MFGE8: variants seen among roughly 807,000 people sequenced by gnomAD.
The protein encoded by MFGE8 is milk fat globule EGF and factor V/VIII domain containing, also known as lactadherin.
Under a neutral mutation model 42.6 loss-of-function variants are expected in MFGE8, and 34 were observed. That is an observed-to-expected ratio of 0.80 (90% CI 0.61 to 1.06). The LOEUF (loss-of-function observed/expected upper bound fraction) is 1.06. Ranked by LOEUF, MFGE8 falls within the 50% of genes least tolerant of loss-of-function variation. The pLI, the probability that MFGE8 is intolerant of heterozygous loss-of-function variation, is 0.00. For missense variants in MFGE8, 510 were observed against 516.9 expected (o/e 0.99, Z 0.13); for synonymous variants, 230 against 214.8 (o/e 1.07, Z -0.62).
chr15:88,906,048 AC>A lies in MFGE8; in HGVS notation c.541-148del. 1 of 903,492 alleles carries A rather than the reference AC, an allele frequency of 1.1e-6. No homozygotes were observed. 56.0% of individuals were successfully genotyped at this position (903,492 alleles called of 1,614,324 possible). On this transcript the variant is annotated intron_variant, in intron 4 of 7. Coordinates refer to ENST00000268150, the MANE Select transcript of MFGE8 (RefSeq NM_005928.4). The surrounding 1 kb of genome is among the most constrained non-coding windows in gnomAD (Gnocchi z 4.2). ...CTTGGAAGAGCCAGCAGAGGCTCAC[AC>A]AGCAGCCTCTCCTTTGGCCACCCCA...
At chr15:88,907,830 C>T (rs1898771805) in intron 2 of MFGE8, among the ~76,000 whole-genome samples, 1 of 152,130 alleles carries the variant, frequency 6.6e-6, no homozygotes, top group Non-Finnish European at 1.5e-5. Flanking sequence ...TCAGTGTCCC[C>T]TCCCCCCACC....
chr15:88,899,581 C>T lies in MFGE8; in HGVS notation c.1027-49G>A. ...AGGACCCCGAGCCAGCCCCCCTCCC[C>T]TCAGAGCCCCAGGCCAGACTCCCAG... On this transcript the variant is annotated intron_variant, in intron 7 of 7. Transcript: ENST00000268150. This position sits in a 1 kb window ranked among gnomAD's most constrained non-coding sequence, Gnocchi z 6.8. 1 of 1,614,190 alleles carries T rather than the reference C, an allele frequency of 6.2e-7. No individual in the cohort carries two copies. The highest frequency in any genetic ancestry group is 8.5e-7 in the Non-Finnish European group (1 of 1,180,034).
chr15:88,899,533 C>A lies in MFGE8; in HGVS notation c.1027-1G>T, dbSNP rs746670903. 18 of 1,614,074 alleles carry A rather than the reference C, an allele frequency of 1.1e-5. No individual in the cohort carries two copies. The highest frequency in any genetic ancestry group is 3.3e-5 in the Admixed American group (2 of 60,000). On this transcript the variant is annotated splice_acceptor_variant, in intron 7 of 7. Coordinates refer to ENST00000268150, the MANE Select transcript of MFGE8 (RefSeq NM_005928.4). LOFTEE classifies it high-confidence loss of function. The surrounding 1 kb of genome is among the most constrained non-coding windows in gnomAD (Gnocchi z 6.8). ...GGTTGTCCCAGTTGCCAGGGAAGAT[C>A]TAGAGGCAGAGCGGGTGTCAGGAGG... is the stretch of plus-strand genomic sequence containing the variant.
In MFGE8 at chr15:88,907,166, C is replaced by G. The variant is rs375557998; in HGVS notation, c.387+29G>C. 24 of 1,601,306 alleles carry G rather than the reference C, an allele frequency of 1.5e-5. No individual in the cohort carries two copies. In the African/African-American group the frequency reaches 3.1e-4, roughly 21 times the overall value. On this transcript the variant is annotated intron_variant, in intron 3 of 7. Transcript: ENST00000268150. ...CATTCATCGAGCCTTCTCTCCATTG[C>G]CCCGCCCCAGGGCCATCCCCAGGCA...
At position 88,909,865 on chromosome 15, in the gene MFGE8, T is replaced by C. The variant is rs1596202974; in HGVS notation, c.132A>G (p.Glu44=). ...ACGAGGGGAAGACATCTCCTCGCAC[T>C]TCTTGGGAAATCTCCTCGCATAAAC... ...NGGLCEEISQ[E]VRGDVFPSYT... is the part of the protein sequence containing the mutation. The change falls in exon 2 of 8, where the codon GAA becomes GAG. Residue 44 remains glutamate, a synonymous_variant. Transcript: ENST00000268150. 6.2e-7 allele frequency: 1 copy of C among 1,614,212 alleles called. No individual in the cohort carries two copies. Among genetic ancestry groups the C allele is most frequent in the Non-Finnish European group, 8.5e-7 (1 of 1,180,024 alleles).
At chr15:88,901,517 A>AAACCCAAAAAGGGGGAC in intron 6 of MFGE8, 34 bp downstream of exon 6, 3 of 1,072,612 alleles carry the variant, frequency 2.8e-6, no homozygotes, top group Non-Finnish European at 4.2e-6. Context: ...ATCCCACCCA[A>AAACCCAAAAAGGGGGAC]CCCCAGCCCC....
Position 88,901,733 on chromosome 15 carries a change from A to G in MFGE8, c.688T>C (p.Cys230Arg), listed in dbSNP as rs1898445163. 6.2e-7 allele frequency: 1 copy of G among 1,613,848 alleles called. No homozygotes were observed. The highest frequency in any genetic ancestry group is 1.3e-5 in the African/African-American group (1 of 74,852). ...TTCTTCAGGCCCAGGGGATTGGCGC[A>G]TCCTGCCAGCAAGGTGGGCTGTCAT... ...FELLGCELNG[C>R]ANPLGLKNNS... Residue 230 changes from cysteine to arginine, a missense_variant and splice_region_variant, in exon 6 of 8, where the codon TGC becomes CGC. By Grantham distance (180) the Cys-to-Arg change is radical. Transcript: ENST00000268150.
At position 88,905,916 on chromosome 15, in the gene MFGE8, A is replaced by T; in HGVS notation, c.541-15T>A. 6.2e-7 allele frequency: 1 copy of T among 1,614,088 alleles called. No homozygotes were observed. The highest frequency in any genetic ancestry group is 8.5e-7 in the Non-Finnish European group (1 of 1,179,974). ...CCCACAAACTCCTAGCAGGGAAGGG[A>T]CAAGACTGGAGAAGGGGGTCCATCT... On this transcript the variant is annotated splice_polypyrimidine_tract_variant and intron_variant, in intron 4 of 7. Transcript: ENST00000268150. This position sits in a 1 kb window ranked among gnomAD's most constrained non-coding sequence, Gnocchi z 6.6.
intron 1 of MFGE8, chr15:88,913,038 C>G (rs1899039461): frequency 1.0e-6 from 1 of 985,322 alleles, no homozygotes; most frequent in Admixed American, 6.1e-5. Context: ...GTCCCGAGTC[C>G]CAGCCCAAAA....
chr15:88,898,973 T>C lies in MFGE8; in HGVS notation c.*422A>G. On this transcript the variant is annotated 3_prime_UTR_variant, in exon 8 of 8. Coordinates refer to ENST00000268150, the MANE Select transcript of MFGE8 (RefSeq NM_005928.4). ...GCAGGGCCGACGGGCAAGAGGCTGT[T>C]ATCTCCAGCCTGGCGCTTCCGGGCC... 3.7e-6 allele frequency: 1 copy of C among 268,752 alleles called. No individual in the cohort carries two copies. Among genetic ancestry groups the C allele is most frequent in the Non-Finnish European group, 7.3e-6 (1 of 136,700 alleles). The allele number at this position is 268,752 out of a possible 1,614,324, so 16.6% of individuals were successfully genotyped here.
intron 1 of MFGE8, chr15:88,912,409 G>A (rs1899007626): frequency 3.0e-6 from 3 of 985,226 alleles, no homozygotes; most frequent in Non-Finnish European, 3.6e-6. Context: ...CATAGGGCTG[G>A]GGCTCAGCTG....
rs902635802 is a variant in MFGE8, at chr15:88,909,886, T to C, written c.111A>G (p.Leu37=). 7 of 1,614,220 alleles carry C rather than the reference T, an allele frequency of 4.3e-6. No individual in the cohort carries two copies. The highest frequency in any genetic ancestry group is 2.2e-5 in the East Asian group (1 of 44,882). The change falls in exon 2 of 8, where the codon TTA becomes TTG. Residue 37 remains leucine (L), a synonymous_variant. Transcript: ENST00000268150. The part of the protein sequence containing the change: ...CSKNPCHNGG[L]CEEISQEVRG... Reference sequence around the variant, plus strand: ...GCACTTCTTGGGAAATCTCCTCGCATAAACCACCGTTGTGGCAGGGGTTTT... The same window carrying C: ...GCACTTCTTGGGAAATCTCCTCGCACAAACCACCGTTGTGGCAGGGGTTTT...
Position 88,906,324 on chromosome 15 carries a change from T to G in MFGE8, c.540+302A>C. On this transcript the variant is annotated intron_variant, in intron 4 of 7. Coordinates refer to ENST00000268150, the MANE Select transcript of MFGE8 (RefSeq NM_005928.4). This position sits in a 1 kb window ranked among gnomAD's most constrained non-coding sequence, Gnocchi z 4.2. ...TTGAGCAGTGTACAACCTACACAAC[T>G]GTACATGTACCCATGAAGGCTCAGA... 2.1e-6 allele frequency: 1 copy of G among 474,534 alleles called. No homozygotes were observed. Among genetic ancestry groups the G allele is most frequent in the Non-Finnish European group, 3.9e-6 (1 of 258,004 alleles). 29.4% of individuals were successfully genotyped at this position (474,534 alleles called of 1,614,324 possible).
intron 6 of MFGE8, among the ~76,000 whole-genome samples, chr15:88,901,172 TTC>T (rs796459282): frequency 1.5e-3 from 99 of 64,740 alleles, no homozygotes; most frequent in African/African-American, 5.9e-3. Flanking sequence ...TTCACACACA[TTC>T]TCACACATTC....
intron 1 of MFGE8, among the ~76,000 whole-genome samples, chr15:88,911,850 C>T (rs1253723184): frequency 1.3e-5 from 2 of 152,200 alleles, no homozygotes; most frequent in African/African-American, 2.4e-5. Context: ...GCAACAACAC[C>T]ATTAATGAGC....
Position 88,906,885 on chromosome 15 carries a change from A to C in MFGE8, c.388-107T>G. 1.7e-5 allele frequency: 24 copies of C among 1,388,768 alleles called. No individual in the cohort carries two copies. The highest frequency in any genetic ancestry group is 2.1e-5 in the Non-Finnish European group (21 of 985,514). The allele number at this position is 1,388,768 out of a possible 1,614,324, so 86.0% of individuals were successfully genotyped here. ...CCCCCACTGGGTGGGGGAACAACTC[A>C]AGCAAAACAGAGGAGGGGTAGCTGA... is the stretch of plus-strand genomic sequence containing the variant. On this transcript the variant is annotated intron_variant, in intron 3 of 7. Coordinates refer to ENST00000268150, the MANE Select transcript of MFGE8 (RefSeq NM_005928.4). This position sits in a 1 kb window ranked among gnomAD's most constrained non-coding sequence, Gnocchi z 4.2.
chr15:88,906,543 G>T lies in MFGE8; in HGVS notation c.540+83C>A. 6.5e-7 allele frequency: 1 copy of T among 1,534,084 alleles called. No individual in the cohort carries two copies. ...ATAGCCAATCACCTAGGGTTCTCTG[G>T]ACTCGCTGGGGGTCCTCAGTCAATG... On this transcript the variant is annotated intron_variant, in intron 4 of 7. Transcript: ENST00000268150. The surrounding 1 kb of genome is among the most constrained non-coding windows in gnomAD (Gnocchi z 4.2).
chr15:88,901,260 C>A (rs1422504167), intron 6 of MFGE8, among the ~76,000 whole-genome samples: 2 of 128,094 alleles, frequency 1.6e-5, no homozygotes, highest in African/African-American at 5.3e-5. Context: ...CACGCATTCA[C>A]ACGCACGCAT....
intron 6 of MFGE8, chr15:88,900,908 G>A (rs984587054): frequency 4.6e-6 from 1 of 218,900 alleles, no homozygotes; most frequent in Non-Finnish European, 7.7e-6. Flanking sequence ...TCCATAGGCT[G>A]AGCCTTGTCA....
Sources: gnomAD v4.1 joint callset for allele counts (sites outside exome capture counted in the v4.1 genomes callset) on GRCh38, gnomAD v4.1.1 for gene constraint, Gnocchi (gnomAD v3.1) non-coding constraint, MANE v1.5 for transcripts, NCBI Gene and HGNC (gene_info 2026-07-23, HGNC 2026-07-21) for gene names.